CSMD3: variants seen among roughly 807,000 people sequenced by gnomAD.
CSMD3 encodes the protein CUB and Sushi multiple domains 3, also known as CUB and sushi domain-containing protein 3.
Under a neutral mutation model 435.2 loss-of-function variants are expected in CSMD3, and 177 were observed. That is an observed-to-expected ratio of 0.41 (90% confidence interval 0.36 to 0.46). The LOEUF is 0.46. CSMD3 is among the 20% of genes least tolerant of loss of function. The pLI is 0.34. For missense variants in CSMD3, 4,265 were observed against 4,504.6 expected (o/e 0.95, Z 1.52); for synonymous variants, 1,656 against 1,520.5 (o/e 1.09, Z -2.07).
At chr8:112,485,357 T>G (rs1193608018) in intron 31 of CSMD3, among the ~76,000 whole-genome samples, 2 of 152,160 alleles carry the variant, frequency 1.3e-5, no homozygotes, top group Non-Finnish European at 2.9e-5. Flanking sequence ...TACACAGACA[T>G]AATTTACCAC....
In CSMD3 at chr8:112,917,125, T is replaced by C. The variant is rs575235728; in HGVS notation, c.1633+4502A>G. Among the ~76,000 whole-genome samples the C allele has an allele frequency of 2.6e-5, 4 of 152,060 alleles. No individual in the cohort carries two copies. In the South Asian group the frequency reaches 8.3e-4, roughly 32 times the overall value. On this transcript the variant is annotated intron_variant, in intron 10 of 70. Coordinates refer to ENST00000297405, the MANE Select transcript of CSMD3 (RefSeq NM_198123.2). ...ACAGTAATGGATGGGTAGACCATAT[T>C]GATAACTGTCCTCTTTGGCAACAGC...
intron 32 of CSMD3, among the ~76,000 whole-genome samples, chr8:112,453,763 C>A (rs887651140): frequency 2.6e-5 from 4 of 151,992 alleles, no homozygotes; most frequent in African/African-American, 9.7e-5. Context: ...AAAAAATATT[C>A]TAAAATTCAT....
At position 112,464,225 on chromosome 8, in the gene CSMD3, G is replaced by A. The variant is rs557923269; in HGVS notation, c.5395+8366C>T. On this transcript the variant is annotated intron_variant, in intron 32 of 70. Coordinates refer to ENST00000297405, the MANE Select transcript of CSMD3 (RefSeq NM_198123.2). Reference sequence around the variant, plus strand: ...TGCACTCCAGCCTGGGCGACAGAGCGAGACTCTGTTTCAAAAAAAAAAAAA... The same window carrying A: ...TGCACTCCAGCCTGGGCGACAGAGCAAGACTCTGTTTCAAAAAAAAAAAAA... 5.9e-4 allele frequency among the ~76,000 whole-genome samples: 86 copies of A among 144,734 alleles called. 1 individual carries two copies. Among genetic ancestry groups the A allele is most frequent in the Non-Finnish European group, 2.5e-4 (17 of 66,988 alleles). The allele number at this position is 144,734 out of a possible 152,430, so 95.0% of individuals were successfully genotyped here.
chr8:112,361,258 A>T (rs1827172730), intron 38 of CSMD3, among the ~76,000 whole-genome samples: 1 of 151,768 alleles, frequency 6.6e-6, no homozygotes, highest in South Asian at 2.1e-4. Flanking sequence ...GGATTGGATC[A>T]ATTAATCTGC....
intron 12 of CSMD3, among the ~76,000 whole-genome samples, chr8:112,807,422 C>T (rs2079115909): frequency 6.6e-6 from 1 of 151,900 alleles, no homozygotes. Flanking sequence ...AAAGCTTATG[C>T]TTTGCCTAGA....
chr8:113,389,142 G>A (rs2094451143), intron 1 of CSMD3, among the ~76,000 whole-genome samples: 1 of 151,700 alleles, frequency 6.6e-6, no homozygotes, highest in East Asian at 1.9e-4. Flanking sequence ...CTACTCACCT[G>A]TGGCTAATTC....
At chr8:112,595,124 T>G (rs1040785602) in intron 22 of CSMD3, among the ~76,000 whole-genome samples, 2 of 147,214 alleles carry the variant, frequency 1.4e-5, no homozygotes, top group Non-Finnish European at 1.5e-5. Flanking sequence ...TGAAAAAAAT[T>G]TAGAAGAATG....
intron 4 of CSMD3, among the ~76,000 whole-genome samples, chr8:113,111,013 G>A (rs955972509): frequency 1.3e-5 from 2 of 152,052 alleles, no homozygotes; most frequent in African/African-American, 4.8e-5. Context: ...CCATTCATGA[G>A]AGTTCTGCCC....
intron 21 of CSMD3, among the ~76,000 whole-genome samples, chr8:112,637,435 G>A (rs1027598692): frequency 2.3e-4 from 35 of 152,116 alleles, no homozygotes; most frequent in African/African-American, 8.4e-4. Context: ...AAATGATAAA[G>A]GCCCTTCTGC....
At chr8:112,534,663 C>T (rs1399933741) in intron 27 of CSMD3, among the ~76,000 whole-genome samples, 1 of 151,988 alleles carries the variant, frequency 6.6e-6, no homozygotes, top group Admixed American at 6.6e-5. Context: ...AGAGGGAATC[C>T]TCCCTAACTC....
At chr8:112,865,686 CCACACACACACACACA>C (rs3220985) in intron 10 of CSMD3, among the ~76,000 whole-genome samples, 1 of 43,122 alleles carries the variant, frequency 2.3e-5, no homozygotes, top group Non-Finnish European at 5.8e-5. Context: ...TTTACATACC[CCACACACACACACACA>C]CACACACACA....
chr8:112,276,561 C>A (rs559824912), intron 59 of CSMD3, among the ~76,000 whole-genome samples: 2 of 151,886 alleles, frequency 1.3e-5, no homozygotes, highest in East Asian at 3.9e-4. Context: ...GAGGAAAAAA[C>A]GGTTTCATGG....
chr8:113,178,879 T>G (rs1588213741), intron 3 of CSMD3, among the ~76,000 whole-genome samples: 1 of 152,012 alleles, frequency 6.6e-6, no homozygotes, highest in South Asian at 2.1e-4. Context: ...CAGTGATGTA[T>G]ATCCTTTTCA....
At chr8:113,434,612 A>G (rs2094694076) in intron 1 of CSMD3, among the ~76,000 whole-genome samples, 1 of 152,160 alleles carries the variant, frequency 6.6e-6, no homozygotes, top group Admixed American at 6.5e-5. Context: ...CTTTATTGAC[A>G]TTGAAAAAAA....
intron 1 of CSMD3, among the ~76,000 whole-genome samples, chr8:113,359,507 G>A (rs1413231635): frequency 6.6e-6 from 1 of 152,172 alleles, no homozygotes; most frequent in African/African-American, 2.4e-5. Context: ...AAATGGATTG[G>A]TTCTCTAGGA....
intron 1 of CSMD3, among the ~76,000 whole-genome samples, chr8:113,351,193 G>C (rs187810593): frequency 6.6e-6 from 1 of 152,054 alleles, no homozygotes. Flanking sequence ...TGGATAAGTG[G>C]ATAAATGATA....
Position 112,458,215 on chromosome 8 carries a change from C to CCACACACACACACACACA in CSMD3, c.5395+14375_5395+14376insTGTGTGTGTGTGTGTGTG, listed in dbSNP as rs1283555462. 4.3e-3 allele frequency among the ~76,000 whole-genome samples: 643 copies of CCACACACACACACACACA among 150,790 alleles called. 4 individuals carry two copies. The highest frequency in any genetic ancestry group is 0.014 in the African/African-American group (593 of 41,144). On this transcript the variant is annotated intron_variant, in intron 32 of 70. Transcript: ENST00000297405. ...TACGTACACACACACACACTCACAC[C>CCACACACACACACACACA]CACACACACACAGAGAAACAGAGAT...
At chr8:112,238,914 T>C (rs1813851191) in intron 66 of CSMD3, among the ~76,000 whole-genome samples, 1 of 152,024 alleles carries the variant, frequency 6.6e-6, no homozygotes, top group Non-Finnish European at 1.5e-5. Context: ...AAATATGGCC[T>C]GAGAAGGACT....
At chr8:112,504,525 C>T (rs1241928209) in intron 29 of CSMD3, among the ~76,000 whole-genome samples, 1 of 152,040 alleles carries the variant, frequency 6.6e-6, no homozygotes, top group African/African-American at 2.4e-5. Context: ...ATTTAAATAA[C>T]TCAAATGAAG....
Sources: gnomAD v4.1 joint callset for allele counts (sites outside exome capture counted in the v4.1 genomes callset) on GRCh38, gnomAD v4.1.1 for gene constraint, MANE v1.5 for transcripts, NCBI Gene and HGNC (gene_info 2026-07-23, HGNC 2026-07-21) for gene names.